FMN2: variants seen among roughly 807,000 people sequenced by gnomAD.
FMN2 encodes the protein formin 2, also known as formin-2.
Under a neutral mutation model 142.3 loss-of-function variants are expected in FMN2, and 51 were observed. The ratio of observed to expected loss-of-function variants is 0.36; its 90% CI spans 0.29 to 0.45. The LOEUF is 0.45. FMN2 is among the 20% of genes least tolerant of loss of function. The probability of loss-of-function intolerance (pLI) is 1.00; values close to 1 mark genes in which losing one functional copy is unlikely to be tolerated. For synonymous variants in FMN2, 882 were observed against 869.8 expected (o/e 1.01, Z -0.25); for missense variants, 1,936 against 2,122.8 (o/e 0.91, Z 1.73).
intron 1 of FMN2, 45 bp downstream of exon 1, chr1:240,093,769 C>CA (rs1211148440): frequency 3.2e-6 from 4 of 1,257,058 alleles, no homozygotes; most frequent in Non-Finnish European, 4.0e-6. Flanking sequence ...AGTCGCCTGT[C>CA]AGTCAGGGCC....
At chr1:240,200,206 G>C (rs952328167) in intron 4 of FMN2, among the ~76,000 whole-genome samples, 1 of 152,248 alleles carries the variant, frequency 6.6e-6, no homozygotes, top group African/African-American at 2.4e-5. Context: ...GGGAGGGTGG[G>C]CCCCCCAGAG....
chr1:240,242,460 G>T (rs1341077036), intron 6 of FMN2, among the ~76,000 whole-genome samples: 2 of 152,148 alleles, frequency 1.3e-5, no homozygotes, highest in African/African-American at 4.8e-5. Context: ...GGGACCAGGA[G>T]ACCGGTATCA....
At chr1:240,170,661 A>G in intron 2 of FMN2, 2 of 1,573,266 alleles carry the variant, frequency 1.3e-6, no homozygotes, top group South Asian at 1.1e-5. Context: ...ATTCTTTAGC[A>G]CCTTTGGATA....
chr1:240,113,457 G>A (rs568127007), intron 1 of FMN2, among the ~76,000 whole-genome samples: 7 of 151,174 alleles, frequency 4.6e-5, no homozygotes, highest in African/African-American at 7.3e-5. Flanking sequence ...CCAGCTACTC[G>A]GGAGGCAGGA....
chr1:240,357,759 C>CA (rs1408816055), intron 14 of FMN2, among the ~76,000 whole-genome samples: 3 of 152,078 alleles, frequency 2.0e-5, no homozygotes, highest in Non-Finnish European at 4.4e-5. Context: ...AGGCACCCGC[C>CA]ACCACGCCCG....
intron 16 of FMN2, among the ~76,000 whole-genome samples, chr1:240,443,419 A>T (rs917591028): frequency 1.2e-4 from 19 of 152,190 alleles, no homozygotes; most frequent in Admixed American, 1.2e-3. Context: ...GCAAGTATGC[A>T]TTTTTTAAAA....
chr1:240,322,727 G>T (rs952257906), intron 8 of FMN2, among the ~76,000 whole-genome samples: 6 of 152,290 alleles, frequency 3.9e-5, no homozygotes, highest in African/African-American at 1.4e-4. Flanking sequence ...AGGGCACTGT[G>T]GGGGATGGAA....
At position 240,193,336 on chromosome 1, in the gene FMN2, TAAG is replaced by T. The variant is rs138121474; in HGVS notation, c.1986+5078_1986+5080del. Among the ~76,000 whole-genome samples the T allele has an allele frequency of 3.4e-3, 513 of 152,274 alleles. 2 individuals carry two copies. Among genetic ancestry groups the T allele is most frequent in the African/African-American group, 0.01 (421 of 41,554 alleles). ...AATTATAAGACAAAATCTTGGGTAT[TAAG>T]AAGCAGACAGTTAGAAGAACATACC... On this transcript the variant is annotated intron_variant, in intron 4 of 17. Transcript: ENST00000319653.
chr1:240,320,298 T>C (rs1208919087), intron 8 of FMN2, among the ~76,000 whole-genome samples: 1 of 152,126 alleles, frequency 6.6e-6, no homozygotes, highest in African/African-American at 2.4e-5. Context: ...AGTTGAAAGT[T>C]TGGAACCTGG....
At chr1:240,366,536 C>CTTT (rs36063372) in intron 14 of FMN2, among the ~76,000 whole-genome samples, 28,141 of 143,306 alleles carry the variant, frequency 0.2, 3,056 homozygotes, top group African/African-American at 0.3. Flanking sequence ...CTATTCTATC[C>CTTT]TTTTTTTTTT....
chr1:240,366,609 G>T (rs112269687), intron 14 of FMN2, among the ~76,000 whole-genome samples: 1 of 150,474 alleles, frequency 6.6e-6, no homozygotes, highest in East Asian at 2.0e-4. Context: ...GCACGATCTC[G>T]GCTCACCGCA....
At chr1:240,139,702 C>T (rs922938967) in intron 2 of FMN2, among the ~76,000 whole-genome samples, 19 of 152,186 alleles carry the variant, frequency 1.2e-4, no homozygotes, top group African/African-American at 3.6e-4. Flanking sequence ...GCGCTGAGAG[C>T]GCTGCCCAGA....
intron 6 of FMN2, among the ~76,000 whole-genome samples, chr1:240,226,993 G>A (rs1476328939): frequency 3.9e-5 from 6 of 152,158 alleles, no homozygotes; most frequent in Admixed American, 2.0e-4. Context: ...AGAAGTTCTA[G>A]TCAAGGCAAT....
intron 1 of FMN2, among the ~76,000 whole-genome samples, chr1:240,121,099 T>G (rs1398611165): frequency 6.6e-6 from 1 of 151,922 alleles, no homozygotes. Flanking sequence ...AGGCGGAGGT[T>G]GCAGTGAGCC....
At chr1:240,177,556 G>T (rs1333154863) in intron 2 of FMN2, among the ~76,000 whole-genome samples, 1 of 152,018 alleles carries the variant, frequency 6.6e-6, no homozygotes, top group Non-Finnish European at 1.5e-5. Flanking sequence ...TTTTAAAAGG[G>T]ATATCATATT....
intron 15 of FMN2, among the ~76,000 whole-genome samples, chr1:240,436,238 T>C (rs1193921513): frequency 1.3e-5 from 2 of 152,164 alleles, no homozygotes; most frequent in African/African-American, 2.4e-5. Context: ...TAATTGACTG[T>C]ACTCTGTCAT....
rs1207591589 is a variant in FMN2 at position 240,207,401 on chromosome 1, C to T, written c.2589C>T (p.Cys863=). ...CNIPSPPPLP[C]TESSSSMPGL... ...TCCCATCTCCACCACCTCTGCCTTG[C>T]ACAGAGTCCTCCAGCTCCATGCCTG... is the stretch of plus-strand genomic sequence containing the variant. Residue 863 remains cysteine (C), a synonymous_variant, in exon 5 of 18, where the codon TGC becomes TGT. Transcript: ENST00000319653. 8 of 1,613,790 alleles carry T rather than the reference C, an allele frequency of 5.0e-6. No homozygotes were observed. In the Admixed American group the frequency reaches 1.3e-4, roughly 27 times the overall value.
Position 240,207,493 on chromosome 1 carries a change from C to A in FMN2, c.2681C>A (p.Thr894Lys). Residue 894 changes from threonine to lysine, a missense_variant, in exon 5 of 18, where the codon ACA becomes AAA. By Grantham distance (78) the Thr-to-Lys change is moderately conservative (BLOSUM62 -1). Coordinates refer to ENST00000319653, the MANE Select transcript of FMN2 (RefSeq NM_020066.5). ...ATGACAGTGCCTACTCTGCCCAGTA[C>A]AGCCATTCCCCAACCTCCTCCTCTG... The part of the protein sequence containing the change: ...PGMTVPTLPS[T>K]AIPQPPPLQG... The A allele has an allele frequency of 6.2e-7, 1 of 1,613,380 alleles. No homozygotes were observed. The highest frequency in any genetic ancestry group is 1.1e-5 in the South Asian group (1 of 91,048).
chr1:240,258,882 A>C (rs139267928), intron 7 of FMN2, among the ~76,000 whole-genome samples: 1 of 152,336 alleles, frequency 6.6e-6, no homozygotes, highest in Non-Finnish European at 1.5e-5. Flanking sequence ...CTATTAAAGA[A>C]ATATGGTTTC....
Sources: allele counts gnomAD v4.1 joint callset (sites outside exome capture counted in the v4.1 genomes callset), GRCh38; gene constraint gnomAD v4.1.1; transcripts MANE v1.5; gene names NCBI Gene and HGNC (gene_info 2026-07-23, HGNC 2026-07-21).